TET1: variants seen among roughly 807,000 people sequenced by gnomAD.
The protein encoded by TET1 is tet methylcytosine dioxygenase 1, also known as methylcytosine dioxygenase TET1.
TET1 carries 13 observed loss-of-function variants against 148.7 expected under a neutral mutation model. The ratio of observed to expected loss-of-function variants is 0.09; its 90% CI spans 0.06 to 0.14. The LOEUF is 0.14. TET1 is among the 10% of genes least tolerant of loss of function. TET1 has a pLI of 1.00. For synonymous variants in TET1, 907 were observed against 937.2 expected (o/e 0.97, Z 0.59); for missense variants, 2,182 against 2,553.8 (o/e 0.85, Z 3.14).
chr10:68,649,423 G>A (rs559936354), intron 4 of TET1, among the ~76,000 whole-genome samples: 2 of 152,044 alleles, frequency 1.3e-5, no homozygotes, highest in Non-Finnish European at 2.9e-5. Flanking sequence ...TGGCTAACAC[G>A]GTGAAACCCC....
chr10:68,626,086 T>G (rs1433260576), intron 3 of TET1, among the ~76,000 whole-genome samples: 3 of 44,648 alleles, frequency 6.7e-5, no homozygotes, highest in Non-Finnish European at 1.2e-4. Context: ...CGAGACCCTA[T>G]CTCAAAAAAA....
At chr10:68,622,727 A>G (rs1405138347) in intron 3 of TET1, among the ~76,000 whole-genome samples, 1 of 149,702 alleles carries the variant, frequency 6.7e-6, no homozygotes, top group Non-Finnish European at 1.5e-5. Context: ...ATTTTGTAGA[A>G]TGTCCCTGAA....
chr10:68,633,532 T>C (rs1464815959), intron 3 of TET1, among the ~76,000 whole-genome samples: 2 of 152,086 alleles, frequency 1.3e-5, no homozygotes, highest in Non-Finnish European at 2.9e-5. Flanking sequence ...CAGGCATGCA[T>C]CACCATGCCT....
At position 68,572,345 on chromosome 10, in the gene TET1, C is replaced by T. The variant is rs750698861; in HGVS notation, c.7C>T (p.Arg3Ter). 5 of 1,598,260 alleles carry T rather than the reference C, an allele frequency of 3.1e-6. No individual in the cohort carries two copies. The highest frequency in any genetic ancestry group is 1.1e-5 in the South Asian group (1 of 87,526). The change falls in exon 2 of 12, where the codon CGA (arginine) becomes TGA (stop). Residue 3 changes from arginine to a stop codon, truncating the protein, a stop_gained. Coordinates refer to ENST00000373644, the MANE Select transcript of TET1 (RefSeq NM_030625.3). LOFTEE classifies it high-confidence loss of function. The stretch of plus-strand genomic sequence containing the variant: ...TTTTTCCTACTCTGTAGCTATGTCT[C>T]GATCCCGCCATGCAAGGCCTTCCAG... MS[R>*]SRHARPSRLV... is the part of the protein sequence containing the mutation.
Position 68,693,780 on chromosome 10 carries a change from GA to G in TET1, c.*1968del, listed in dbSNP as rs1379163319. The G allele has an allele frequency of 4.3e-6, 1 of 231,372 alleles. No homozygotes were observed. Among genetic ancestry groups the G allele is most frequent in the Admixed American group, 5.6e-5 (1 of 17,716 alleles). 14.3% of individuals were successfully genotyped at this position (231,372 alleles called of 1,614,324 possible). A position where few individuals can be genotyped will look rare whatever the true frequency, so the allele number is the denominator to read the frequency against. ...ATATTTACTAGTATTAGACTATCAGGAATACACCCTTGCGAGATTATGTTTT... is the reference window on the plus strand; with the variant it reads ...ATATTTACTAGTATTAGACTATCAGGATACACCCTTGCGAGATTATGTTTT... On this transcript the variant is annotated 3_prime_UTR_variant, in exon 12 of 12. Transcript: ENST00000373644.
At position 68,690,922 on chromosome 10, in the gene TET1, C is replaced by T; in HGVS notation, c.5519C>T (p.Pro1840Leu). 3 of 1,614,220 alleles carry T rather than the reference C, an allele frequency of 1.9e-6. No individual in the cohort carries two copies. The highest frequency in any genetic ancestry group is 2.5e-6 in the Non-Finnish European group (3 of 1,180,046). Residue 1840 changes from proline to leucine, a missense_variant, in exon 12 of 12, where the codon CCA (proline) becomes CTA (leucine). This residue lies in a region of TET1 where 380 missense variants were observed against 387.9 expected (regional missense o/e 0.98). Transcript: ENST00000373644. Reference protein sequence around the residue: ...TYSLMPSAPHPVKEASPGFSW... With the variant: ...TYSLMPSAPHLVKEASPGFSW... ...TCGCTGATGCCATCCGCTCCTCACCCAGTGAAAGAGGCATCTCCAGGCTTC... is the reference window on the plus strand; with the variant it reads ...TCGCTGATGCCATCCGCTCCTCACCTAGTGAAAGAGGCATCTCCAGGCTTC...
chr10:68,688,776 T>C (rs1251388266), intron 11 of TET1, among the ~76,000 whole-genome samples: 2 of 152,064 alleles, frequency 1.3e-5, no homozygotes, highest in Admixed American at 1.3e-4. Flanking sequence ...TCCAGGCTTA[T>C]CTATATAATT....
In TET1 at chr10:68,619,958, C is replaced by T. The variant is rs540350334; in HGVS notation, c.1968+18924C>T. Among the ~76,000 whole-genome samples the T allele has an allele frequency of 3.3e-5, 5 of 152,136 alleles. No individual in the cohort carries two copies. In the South Asian group the frequency reaches 6.2e-4, roughly 19 times the overall value. ...CTGTAATCCCAGCACTTTGGGAGGC[C>T]GAGCTGGGCAGATCACTTGAGTTTA... is the stretch of plus-strand genomic sequence containing the variant. On this transcript the variant is annotated intron_variant, in intron 3 of 11. Coordinates refer to ENST00000373644, the MANE Select transcript of TET1 (RefSeq NM_030625.3).
At chr10:68,690,722 G>C (rs1270460142) in intron 11 of TET1, 86 bp from the exon 12 acceptor site, 2 of 1,346,710 alleles carry the variant, frequency 1.5e-6, no homozygotes, top group African/African-American at 2.9e-5. Context: ...ATAATTCTTT[G>C]TACTTGTCTT....
At chr10:68,565,918 G>C (rs2053603292) in intron 1 of TET1, among the ~76,000 whole-genome samples, 1 of 152,122 alleles carries the variant, frequency 6.6e-6, no homozygotes, top group Non-Finnish European at 1.5e-5. Flanking sequence ...CCTCTTTCAT[G>C]ATCTCATAAA....
chr10:68,567,318 A>G (rs1180084935), intron 1 of TET1, among the ~76,000 whole-genome samples: 3 of 152,154 alleles, frequency 2.0e-5, no homozygotes, highest in East Asian at 3.9e-4. Flanking sequence ...ATCTCTAGAC[A>G]TGAAACTAAA....
chr10:68,690,334 G>T (rs1288732416), intron 11 of TET1, among the ~76,000 whole-genome samples: 1 of 152,148 alleles, frequency 6.6e-6, no homozygotes, highest in South Asian at 2.1e-4. Context: ...ATGGCCGGGC[G>T]CAGTAGCTCA....
intron 1 of TET1, among the ~76,000 whole-genome samples, 172 bp downstream of exon 1, chr10:68,560,914 C>A (rs1416170294): frequency 2.0e-5 from 3 of 152,158 alleles, no homozygotes; most frequent in African/African-American, 7.2e-5. Flanking sequence ...CTCGACCCCC[C>A]ACCCCGGGAC....
At chr10:68,673,331 T>C in intron 8 of TET1, 1 of 266,564 alleles carries the variant, frequency 3.8e-6, no homozygotes, top group Non-Finnish European at 7.4e-6. Flanking sequence ...CCTAGAATTT[T>C]ATACTCAGCC....
At chr10:68,640,568 T>TTTTTTC (rs1564985292) in intron 3 of TET1, among the ~76,000 whole-genome samples, 1 of 109,184 alleles carries the variant, frequency 9.2e-6, no homozygotes, top group Non-Finnish European at 1.9e-5. Context: ...TTTTTTTTTT[T>TTTTTTC]TGAGATGGAG....
rs750929949 is a variant in TET1, at chr10:68,572,827, C to T, written c.489C>T (p.Thr163=). 6.2e-7 allele frequency: 1 copy of T among 1,614,086 alleles called. No homozygotes were observed. Among genetic ancestry groups the T allele is most frequent in the East Asian group, 2.2e-5 (1 of 44,880 alleles). Reference sequence around the variant, plus strand: ...ATGATTCGGTTCCAATGCAAGACACCCAAGTCCTTCCTGATATAGAGACTC... The same window carrying T: ...ATGATTCGGTTCCAATGCAAGACACTCAAGTCCTTCCTGATATAGAGACTC... ...SENDSVPMQD[T]QVLPDIETLI... The change falls in exon 2 of 12, where the codon ACC becomes ACT. Residue 163 remains threonine, a synonymous_variant. Transcript: ENST00000373644.
At position 68,572,713 on chromosome 10, in the gene TET1, C is replaced by T. The variant is rs1286998642; in HGVS notation, c.375C>T (p.Ser125=). ...AACCCCCACTGGTCGTAGCCAAATC[C>T]AAAAAGGTTCCACTTTCTAAGGGTT... ...LSQPPLVVAK[S]KKVPLSKGLE... is the part of the protein sequence containing the mutation. The change falls in exon 2 of 12, where the codon TCC becomes TCT. Residue 125 remains serine, a synonymous_variant. Coordinates refer to ENST00000373644, the MANE Select transcript of TET1 (RefSeq NM_030625.3). 2 of 1,613,902 alleles carry T rather than the reference C, an allele frequency of 1.2e-6. No individual in the cohort carries two copies. Among genetic ancestry groups the T allele is most frequent in the East Asian group, 4.5e-5 (2 of 44,896 alleles).
At chr10:68,683,160 C>T (rs550509480) in intron 10 of TET1, among the ~76,000 whole-genome samples, 187 bp downstream of exon 10, 1 of 152,236 alleles carries the variant, frequency 6.6e-6, no homozygotes, top group African/African-American at 2.4e-5. Context: ...AATGCATTAT[C>T]TATGCACTTC....
chr10:68,570,871 G>A (rs1219448243), intron 1 of TET1, among the ~76,000 whole-genome samples: 1 of 151,810 alleles, frequency 6.6e-6, no homozygotes, highest in African/African-American at 2.4e-5. Flanking sequence ...CTGACCTCCT[G>A]ATCTGCCTGC....
Sources: gnomAD v4.1 joint callset for allele counts (sites outside exome capture counted in the v4.1 genomes callset) on GRCh38, gnomAD v4.1.1 for gene constraint, gnomAD v4.1.1 regional missense constraint, MANE v1.5 for transcripts, NCBI Gene and HGNC (gene_info 2026-07-23, HGNC 2026-07-21) for gene names.